Variants in GALM observed in about 807,000 individuals in gnomAD.
GALM encodes aldose 1-epimerase.
A neutral mutation model predicts 37.4 loss-of-function variants in GALM; 43 were observed. The observed-to-expected ratio is 1.15, with a 90% CI of 0.90 to 1.48. The LOEUF (loss-of-function observed/expected upper bound fraction) is 1.48, where lower values mean the gene tolerates loss of function less well. GALM is among the 40% of genes most tolerant of loss of function. The probability of loss-of-function intolerance (pLI) is 0.00; values close to 1 mark genes in which losing one functional copy is unlikely to be tolerated. For missense variants in GALM, 456 were observed against 419.1 expected (o/e 1.09, Z -0.77); for synonymous variants, 199 against 170.6 (o/e 1.17, Z -1.30).
intron 4 of GALM, among the ~76,000 whole-genome samples, chr2:38,722,757 A>T (rs1245542386): frequency 6.6e-6 from 1 of 152,236 alleles, no homozygotes; most frequent in Admixed American, 6.5e-5. Flanking sequence ...GAAAAACTGC[A>T]TGTTCATTTT....
At chr2:38,700,614 C>T (rs1303807474) in intron 4 of GALM, among the ~76,000 whole-genome samples, 2 of 152,000 alleles carry the variant, frequency 1.3e-5, no homozygotes, top group Middle Eastern at 3.4e-3. Flanking sequence ...CTATGTGTGT[C>T]GTTACAGATG....
At position 38,733,673 on chromosome 2, in the gene GALM, A is replaced by T. The variant is rs1572549501; in HGVS notation, c.*108A>T. On this transcript the variant is annotated 3_prime_UTR_variant, in exon 7 of 7. Transcript: ENST00000272252. Reference sequence around the variant, plus strand: ...TTTCAGAATGATTCTATGGATTAAAATCATACAAATGGTGGCTGTTCTGAG... The same window carrying T: ...TTTCAGAATGATTCTATGGATTAAATTCATACAAATGGTGGCTGTTCTGAG... 2 of 843,368 alleles carry T rather than the reference A, an allele frequency of 2.4e-6. No individual in the cohort carries two copies. The highest frequency in any genetic ancestry group is 5.1e-5 in the East Asian group (2 of 39,348). 52.2% of individuals were successfully genotyped at this position (843,368 alleles called of 1,614,324 possible).
At chr2:38,698,358 C>T (rs1414626300) in intron 4 of GALM, 2 of 1,303,260 alleles carry the variant, frequency 1.5e-6, no homozygotes, top group African/African-American at 3.0e-5. Flanking sequence ...TTTCCTGTCC[C>T]ATGGCAGGTG....
intron 4 of GALM, among the ~76,000 whole-genome samples, chr2:38,710,072 G>A (rs544644262): frequency 6.6e-6 from 1 of 152,330 alleles, no homozygotes; most frequent in African/African-American, 2.4e-5. Flanking sequence ...TTTCAGAGCA[G>A]CAGCCCACCT....
Position 38,683,623 on chromosome 2 carries a change from G to A in GALM, c.552+2137G>A, listed in dbSNP as rs569678783. On this transcript the variant is annotated intron_variant, in intron 3 of 6. Coordinates refer to ENST00000272252, the MANE Select transcript of GALM (RefSeq NM_138801.3). ...CTCTTGTTGCCCAGGCTGGAATGCA[G>A]TGGCACGATCTCGGCTCACTGCAAC... 1.4e-4 allele frequency among the ~76,000 whole-genome samples: 21 copies of A among 152,034 alleles called. 1 individual carries two copies. The highest frequency in any genetic ancestry group is 5.1e-4 in the African/African-American group (21 of 41,442).
Position 38,675,864 on chromosome 2 carries a change from C to A in GALM, c.191-48C>A, listed in dbSNP as rs182471559. On this transcript the variant is annotated intron_variant, in intron 1 of 6. Transcript: ENST00000272252. Reference sequence around the variant, plus strand: ...GATTACAGGTGTGAGCCACCGTGCCCAGCCTGAATTGAAGTTTTAAAAGTG... The same window carrying A: ...GATTACAGGTGTGAGCCACCGTGCCAAGCCTGAATTGAAGTTTTAAAAGTG... 180 of 1,598,188 alleles carry A rather than the reference C, an allele frequency of 1.1e-4. No individual in the cohort carries two copies. The East Asian group carries it at 3.3e-3, about 29-fold the overall frequency.
intron 5 of GALM, among the ~76,000 whole-genome samples, chr2:38,730,869 C>G (rs1214118597): frequency 2.0e-5 from 3 of 149,552 alleles, no homozygotes; most frequent in Admixed American, 1.4e-4. Flanking sequence ...TGTAGTGAGC[C>G]GAGATCACGC....
At chr2:38,698,526 AGG>A in intron 4 of GALM, 72 of 615,102 alleles carry the variant, frequency 1.2e-4, no homozygotes, top group Non-Finnish European at 1.6e-4. Context: ...AAAAAAAAAA[AGG>A]AAAAAAATGA....
intron 4 of GALM, among the ~76,000 whole-genome samples, chr2:38,723,413 G>A (rs1323233885): frequency 1.3e-5 from 2 of 152,200 alleles, no homozygotes; most frequent in African/African-American, 4.8e-5. Context: ...TGTCACTCAC[G>A]AGTCAGAGCC....
At position 38,675,511 on chromosome 2, in the gene GALM, A is replaced by T. The variant is rs1665222615; in HGVS notation, c.191-401A>T. Among the ~76,000 whole-genome samples the T allele has an allele frequency of 4.0e-5, 5 of 125,268 alleles. 1 individual carries two copies. The highest frequency in any genetic ancestry group is 2.8e-4 in the South Asian group (1 of 3,620). The allele number at this position is 125,268 out of a possible 152,430, so 82.2% of individuals were successfully genotyped here. On this transcript the variant is annotated intron_variant, in intron 1 of 6. Transcript: ENST00000272252. ...ACAGTGGCATGCAACACACCTTTGG[A>T]TTGAGGGTTTTTTTGTTTTTTTTTT...
chr2:38,732,383 G>C (rs1043354727), intron 6 of GALM, among the ~76,000 whole-genome samples: 2 of 152,136 alleles, frequency 1.3e-5, no homozygotes, highest in Non-Finnish European at 2.9e-5. Flanking sequence ...ATTCTCTTCT[G>C]CAAGTCACAG....
At position 38,676,347 on chromosome 2, in the gene GALM, C is replaced by T. The variant is rs76821897; in HGVS notation, c.345+281C>T. Among the ~76,000 whole-genome samples, 95 of 152,178 alleles carry T rather than the reference C, an allele frequency of 6.2e-4. 3 individuals carry two copies. In the East Asian group the frequency reaches 0.017, roughly 28 times the overall value. On this transcript the variant is annotated intron_variant, in intron 2 of 6. Transcript: ENST00000272252. ...TCTCACAGTGTTGAGATCAGGGAGTCGGGTTGAAGAGATGTGGATTGATAA... is the reference window on the plus strand; with the variant it reads ...TCTCACAGTGTTGAGATCAGGGAGTTGGGTTGAAGAGATGTGGATTGATAA...
At chr2:38,679,817 T>C (rs528811947) in intron 2 of GALM, among the ~76,000 whole-genome samples, 49 of 152,268 alleles carry the variant, frequency 3.2e-4, no homozygotes, top group African/African-American at 1.1e-3. Flanking sequence ...GTTACCTACT[T>C]TAAGTCTGCT....
chr2:38,694,481 TA>T, intron 4 of GALM, among the ~76,000 whole-genome samples: 1 of 151,926 alleles, frequency 6.6e-6, no homozygotes, highest in Non-Finnish European at 1.5e-5. Context: ...TTGTTTAAAT[TA>T]AATATAAGAA....
intron 5 of GALM, 29 bp downstream of exon 5, chr2:38,729,726 T>A: frequency 6.3e-7 from 1 of 1,591,112 alleles, no homozygotes; most frequent in Non-Finnish European, 8.6e-7. Context: ...CCTGAGTCTG[T>A]AAGGAAGAAA....
chr2:38,733,410 C>A (rs1037857525), intron 6 of GALM, 78 bp from the exon 7 acceptor site: 3 of 1,184,058 alleles, frequency 2.5e-6, no homozygotes, highest in African/African-American at 1.5e-5. Context: ...GTCTAGAAGC[C>A]CGTCCAGAAG....
At chr2:38,687,265 G>A (rs894762393) in intron 3 of GALM, among the ~76,000 whole-genome samples, 2 of 152,190 alleles carry the variant, frequency 1.3e-5, no homozygotes, top group Non-Finnish European at 2.9e-5. Flanking sequence ...CTAGGCAGGG[G>A]TACAGACCCT....
chr2:38,731,686 C>T, intron 5 of GALM, 49 bp from the exon 6 acceptor site: 2 of 1,477,292 alleles, frequency 1.4e-6, no homozygotes, highest in Admixed American at 1.7e-5. Flanking sequence ...TCTACTCCTC[C>T]CCACCTGCTT....
rs536207322 is a variant in GALM, at chr2:38,681,313, G to A, written c.379G>A (p.Val127Ile). ...LWTPRVLSNGVQFSRISPDGE... is the reference protein window; with the variant it reads ...LWTPRVLSNGIQFSRISPDGE... The stretch of plus-strand genomic sequence containing the variant: ...GACCCCTCGGGTGCTGTCAAATGGC[G>A]TCCAGTTCTCGCGCATCAGTCCAGA... Residue 127 changes from valine (V) to isoleucine (I), a missense_variant, in exon 3 of 7, where the codon GTC becomes ATC. By Grantham distance (29) the Val-to-Ile change is conservative. Transcript: ENST00000272252. The A allele has an allele frequency of 9.2e-5, 149 of 1,613,672 alleles. 1 individual carries two copies. The highest frequency in any genetic ancestry group is 9.0e-4 in the South Asian group (82 of 91,046).
Sources: allele counts gnomAD v4.1 joint callset (sites outside exome capture counted in the v4.1 genomes callset), GRCh38; gene constraint gnomAD v4.1.1; transcripts MANE v1.5; gene names NCBI Gene and HGNC (gene_info 2026-07-23, HGNC 2026-07-21).